Variants in TRAF3 observed in about 807,000 individuals in gnomAD.
TRAF3 encodes the protein TNF receptor associated factor 3, also known as TNF receptor-associated factor 3.
A neutral mutation model predicts 62.3 loss-of-function variants in TRAF3; 13 were observed. The observed-to-expected ratio is 0.21, with a 90% CI of 0.14 to 0.33. TRAF3 has a LOEUF of 0.33. Ranked by LOEUF, TRAF3 falls within the 10% of genes least tolerant of loss-of-function variation. The probability of loss-of-function intolerance (pLI) is 1.00; values close to 1 mark genes in which losing one functional copy is unlikely to be tolerated. For synonymous variants in TRAF3, 269 were observed against 283.4 expected, an observed-to-expected ratio of 0.95 and a Z score of 0.51; for missense variants, 440 against 741.8, an observed-to-expected ratio of 0.59 and a Z score of 4.73.
intron 1 of TRAF3, among the ~76,000 whole-genome samples, chr14:102,804,198 C>A (rs966210799): frequency 2.6e-5 from 4 of 151,020 alleles, no homozygotes; most frequent in African/African-American, 4.9e-5. Context: ...AAAAAAAAAA[C>A]AAAAAAAACT....
chr14:102,870,570 C>G (rs1023933998), intron 3 of TRAF3, 124 bp downstream of exon 3: 16 of 1,328,566 alleles, frequency 1.2e-5, no homozygotes, highest in Non-Finnish European at 1.6e-5. Context: ...TCCATAAAAG[C>G]CTCCGGGCCC....
At chr14:102,802,247 C>T (rs1433661180) in intron 1 of TRAF3, among the ~76,000 whole-genome samples, 13 of 144,138 alleles carry the variant, frequency 9.0e-5, no homozygotes, top group East Asian at 8.9e-4. Flanking sequence ...CTCCGCCTCC[C>T]GGGTTCACGC....
chr14:102,884,908 T>C (rs981157657), intron 6 of TRAF3, among the ~76,000 whole-genome samples: 1 of 152,170 alleles, frequency 6.6e-6, no homozygotes, highest in Non-Finnish European at 1.5e-5. Flanking sequence ...CCTATCAGAT[T>C]GCCAAAGATT....
chr14:102,872,894 G>A (rs1400669587), intron 4 of TRAF3, among the ~76,000 whole-genome samples: 1 of 151,888 alleles, frequency 6.6e-6, no homozygotes, highest in East Asian at 1.9e-4. Flanking sequence ...GTTTCACCGT[G>A]TTGGTTAGGC....
intron 1 of TRAF3, among the ~76,000 whole-genome samples, chr14:102,830,043 G>A (rs1900577521): frequency 6.6e-6 from 1 of 152,196 alleles, no homozygotes; most frequent in Admixed American, 6.5e-5. Context: ...ACATCTTGAT[G>A]GCCAGAGACT....
intron 9 of TRAF3, among the ~76,000 whole-genome samples, chr14:102,893,616 C>T (rs1889844658): frequency 6.6e-6 from 1 of 152,164 alleles, no homozygotes. Flanking sequence ...CCAGGACATA[C>T]CAGAGCAGCC....
intron 9 of TRAF3, among the ~76,000 whole-genome samples, chr14:102,896,792 G>A (rs1442130731): frequency 6.6e-6 from 1 of 152,172 alleles, no homozygotes. Flanking sequence ...GGCTGGGTAT[G>A]GTGACTCACA....
chr14:102,805,196 C>T (rs1933182595), intron 1 of TRAF3, among the ~76,000 whole-genome samples: 1 of 152,178 alleles, frequency 6.6e-6, no homozygotes, highest in South Asian at 2.1e-4. Context: ...CTGGACACCC[C>T]ATCACCACTC....
intron 1 of TRAF3, among the ~76,000 whole-genome samples, chr14:102,794,558 G>A (rs1385108735): frequency 6.6e-6 from 1 of 152,206 alleles, no homozygotes; most frequent in African/African-American, 2.4e-5. Context: ...AAAAGACACA[G>A]AGTCCTCCTA....
At chr14:102,779,674 A>G (rs1419135666) in intron 1 of TRAF3, among the ~76,000 whole-genome samples, 1 of 152,156 alleles carries the variant, frequency 6.6e-6, no homozygotes. Context: ...ATGATTGATC[A>G]CTCCCTTAAA....
At chr14:102,891,526 CAA>C (rs1232128044) in intron 9 of TRAF3, 109 bp downstream of exon 9, 3 of 1,192,236 alleles carry the variant, frequency 2.5e-6, no homozygotes, top group Admixed American at 2.1e-5. Context: ...AAGAAACTAT[CAA>C]GAGAATGTCA....
intron 7 of TRAF3, among the ~76,000 whole-genome samples, chr14:102,889,223 T>G (rs1889571790): frequency 6.6e-6 from 1 of 152,244 alleles, no homozygotes; most frequent in South Asian, 2.1e-4. Flanking sequence ...TTTTTGTTTA[T>G]GGTCTTTAAA....
intron 1 of TRAF3, among the ~76,000 whole-genome samples, chr14:102,827,607 G>A (rs1376427574): frequency 2.0e-5 from 3 of 152,132 alleles, no homozygotes; most frequent in Non-Finnish European, 4.4e-5. Flanking sequence ...AGAAAGTTTC[G>A]GATTTTGGAG....
Position 102,825,624 on chromosome 14 carries a change from G to A in TRAF3, c.-156-4710G>A, listed in dbSNP as rs753431731. Among the ~76,000 whole-genome samples, 32 of 152,360 alleles carry A rather than the reference G, an allele frequency of 2.1e-4. 1 individual carries two copies. Among genetic ancestry groups the A allele is most frequent in the Admixed American group, 1.6e-3 (24 of 15,312 alleles). ...TCAGGCTACGCTTGGGCTTCTGGCC[G>A]TGTGGGTCAGCGTCACAGGACGGAC... On this transcript the variant is annotated intron_variant, in intron 1 of 11. Coordinates refer to ENST00000392745, the MANE Select transcript of TRAF3 (RefSeq NM_145725.3).
chr14:102,842,316 T>C (rs1257417524), intron 2 of TRAF3, among the ~76,000 whole-genome samples: 4 of 148,104 alleles, frequency 2.7e-5, no homozygotes, highest in South Asian at 2.1e-4. Flanking sequence ...TAAATTTATA[T>C]ATAGTAAAAT....
At chr14:102,804,431 G>A (rs1898644011) in intron 1 of TRAF3, among the ~76,000 whole-genome samples, 1 of 152,118 alleles carries the variant, frequency 6.6e-6, no homozygotes, top group South Asian at 2.1e-4. Context: ...AGAGGACAGT[G>A]GATGTGTGAC....
chr14:102,779,117 T>G (rs1242778123), intron 1 of TRAF3, among the ~76,000 whole-genome samples: 1 of 152,192 alleles, frequency 6.6e-6, no homozygotes, highest in Non-Finnish European at 1.5e-5. Context: ...ACGGAAACCC[T>G]GACAGACCTT....
chr14:102,871,901 T>C lies in TRAF3; in HGVS notation c.246-16T>C, dbSNP rs1566787139. On this transcript the variant is annotated splice_polypyrimidine_tract_variant and intron_variant, in intron 3 of 11. Transcript: ENST00000392745. ...GGGACTTCCACTCTAATGCAGTCAC[T>C]TGTGTTTCCCTGCAGCTCTTCAAGT... is the stretch of plus-strand genomic sequence containing the variant. 6.2e-7 allele frequency: 1 copy of C among 1,613,722 alleles called. No homozygotes were observed. The highest frequency in any genetic ancestry group is 2.2e-5 in the East Asian group (1 of 44,882).
In TRAF3 at chr14:102,897,387, A is replaced by G. The variant is rs1011950681; in HGVS notation, c.946A>G (p.Ile316Val). ...KEMLRNNESK[I>V]LHLQRVIDSQ... ...AATGCTTCGAAATAATGAATCCAAA[A>G]TCCTTCATTTACAGGTAAGAATCTT... The change falls in exon 10 of 12, where the codon ATC (isoleucine) becomes GTC (valine). Residue 316 changes from isoleucine to valine, a missense_variant. By Grantham distance (29) the Ile-to-Val change is conservative. Coordinates refer to ENST00000392745, the MANE Select transcript of TRAF3 (RefSeq NM_145725.3). The G allele has an allele frequency of 3.7e-6, 6 of 1,613,790 alleles. No individual in the cohort carries two copies. The highest frequency in any genetic ancestry group is 5.1e-6 in the Non-Finnish European group (6 of 1,179,898).
Sources: gnomAD v4.1 joint callset for allele counts (sites outside exome capture counted in the v4.1 genomes callset) on GRCh38, gnomAD v4.1.1 for gene constraint, MANE v1.5 for transcripts, NCBI Gene and HGNC (gene_info 2026-07-23, HGNC 2026-07-21) for gene names.